Variants in APBB2 observed in about 807,000 individuals in gnomAD.
APBB2 encodes the protein amyloid beta precursor protein binding family B member 2.
In APBB2, 38 loss-of-function variants were observed where a neutral mutation model predicts 82.5. The observed-to-expected ratio is 0.46, with a 90% confidence interval of 0.36 to 0.60. APBB2 has a LOEUF of 0.60. APBB2 is among the 20% of genes least tolerant of loss of function. The probability of loss-of-function intolerance (pLI) is 0.00; values close to 1 mark genes in which losing one functional copy is unlikely to be tolerated. For synonymous variants in APBB2, 341 were observed against 368.2 expected (o/e 0.93, Z 0.85); for missense variants, 772 against 972.3 (o/e 0.79, Z 2.74).
chr4:41,065,733 GCTTT>G (rs75318230), intron 3 of APBB2, 60 bp from the exon 4 acceptor site: 2 of 62,754 alleles, frequency 3.2e-5, no homozygotes, highest in Admixed American at 1.6e-4. Flanking sequence ...GATAATGACA[GCTTT>G]TTTTTTTTTT....
intron 12 of APBB2, among the ~76,000 whole-genome samples, chr4:40,849,122 G>C (rs1427166364): frequency 6.6e-6 from 1 of 152,238 alleles, no homozygotes; most frequent in Non-Finnish European, 1.5e-5. Context: ...GCCACAAACA[G>C]TAGGGAGTTG....
At chr4:41,168,296 A>G (rs1430072837) in intron 1 of APBB2, among the ~76,000 whole-genome samples, 1 of 151,974 alleles carries the variant, frequency 6.6e-6, no homozygotes, top group Non-Finnish European at 1.5e-5. Context: ...AAAACAAAAA[A>G]AAAAAGAAAA....
intron 12 of APBB2, among the ~76,000 whole-genome samples, chr4:40,861,168 T>C (rs1166814059): frequency 6.6e-6 from 1 of 151,756 alleles, no homozygotes; most frequent in Non-Finnish European, 1.5e-5. Flanking sequence ...CTGGCAAACA[T>C]GGTGGAACCC....
chr4:41,175,061 G>C (rs942307922), intron 1 of APBB2, among the ~76,000 whole-genome samples: 2 of 152,114 alleles, frequency 1.3e-5, no homozygotes, highest in African/African-American at 2.4e-5. Context: ...AGGAAAACTA[G>C]AAATAGTTTG....
intron 10 of APBB2, among the ~76,000 whole-genome samples, chr4:40,916,468 A>AT (rs1560893523): frequency 6.6e-6 from 1 of 152,194 alleles, no homozygotes; most frequent in African/African-American, 2.4e-5. Flanking sequence ...GCACATGGAG[A>AT]TTGGCAACTG....
intron 12 of APBB2, among the ~76,000 whole-genome samples, chr4:40,876,183 A>C (rs75173034): frequency 0.036 from 5,517 of 152,306 alleles, 256 homozygotes; most frequent in African/African-American, 0.11. Flanking sequence ...GCATATTTTA[A>C]AACTTTTATT....
At chr4:41,192,174 T>C (rs1022527016) in intron 1 of APBB2, among the ~76,000 whole-genome samples, 1 of 152,156 alleles carries the variant, frequency 6.6e-6, no homozygotes, top group Non-Finnish European at 1.5e-5. Flanking sequence ...AAGGGAACGT[T>C]TGTACACTGT....
At chr4:41,055,177 A>G (rs546635039) in intron 4 of APBB2, among the ~76,000 whole-genome samples, 2 of 152,260 alleles carry the variant, frequency 1.3e-5, no homozygotes, top group African/African-American at 2.4e-5. Flanking sequence ...GGCTTTCCCC[A>G]TGCTTCAGAT....
chr4:40,861,305 A>G (rs1041086097), intron 12 of APBB2, among the ~76,000 whole-genome samples: 1 of 151,690 alleles, frequency 6.6e-6, no homozygotes, highest in African/African-American at 2.4e-5. Context: ...AGCTGAGATC[A>G]CACCGCTGCA....
intron 6 of APBB2, among the ~76,000 whole-genome samples, chr4:40,987,716 T>C (rs1379949413): frequency 1.3e-5 from 2 of 152,178 alleles, no homozygotes; most frequent in African/African-American, 2.4e-5. Context: ...TAAGTAGATA[T>C]GTACCATCAT....
intron 2 of APBB2, among the ~76,000 whole-genome samples, chr4:41,126,009 C>T (rs1343007253): frequency 6.6e-6 from 1 of 152,054 alleles, no homozygotes; most frequent in Non-Finnish European, 1.5e-5. Flanking sequence ...AGATAAGCAC[C>T]TCAGCTTCGT....
At chr4:41,206,798 G>A (rs1778044690) in intron 1 of APBB2, among the ~76,000 whole-genome samples, 1 of 152,166 alleles carries the variant, frequency 6.6e-6, no homozygotes, top group Admixed American at 6.5e-5. Context: ...ATACCACCTA[G>A]CAAATTGTGA....
chr4:40,930,702 C>T (rs1434021752), intron 10 of APBB2, among the ~76,000 whole-genome samples: 2 of 152,122 alleles, frequency 1.3e-5, no homozygotes, highest in African/African-American at 2.4e-5. Flanking sequence ...AATCATTCCT[C>T]ACAGACTATA....
At chr4:41,122,622 T>C (rs954735072) in intron 2 of APBB2, among the ~76,000 whole-genome samples, 1 of 152,208 alleles carries the variant, frequency 6.6e-6, no homozygotes, top group Non-Finnish European at 1.5e-5. Flanking sequence ...CCTACTTTTA[T>C]AACACTCTTA....
intron 1 of APBB2, among the ~76,000 whole-genome samples, chr4:41,156,501 G>T (rs929308143): frequency 2.0e-5 from 3 of 152,128 alleles, no homozygotes; most frequent in Admixed American, 2.0e-4. Flanking sequence ...TTCATTTCAG[G>T]AGAACATTTA....
At chr4:41,185,338 T>G (rs1266472592) in intron 1 of APBB2, among the ~76,000 whole-genome samples, 3 of 152,196 alleles carry the variant, frequency 2.0e-5, no homozygotes, top group Non-Finnish European at 4.4e-5. Flanking sequence ...GTACTAAGTT[T>G]TCCTAAGGTT....
At chr4:40,995,972 G>A (rs1348352786) in intron 6 of APBB2, among the ~76,000 whole-genome samples, 1 of 152,190 alleles carries the variant, frequency 6.6e-6, no homozygotes, top group African/African-American at 2.4e-5. Flanking sequence ...GCCCCGCCAT[G>A]GATCTGCTTT....
intron 10 of APBB2, among the ~76,000 whole-genome samples, chr4:40,898,510 C>G (rs1774336940): frequency 6.6e-6 from 1 of 152,098 alleles, no homozygotes; most frequent in African/African-American, 2.4e-5. Flanking sequence ...GGTGATCCAC[C>G]CACCTTGGCC....
intron 4 of APBB2, among the ~76,000 whole-genome samples, chr4:41,060,545 T>C (rs968837091): frequency 2.6e-5 from 4 of 152,096 alleles, no homozygotes; most frequent in Non-Finnish European, 5.9e-5. Context: ...GCAACTACCG[T>C]AGATATAATA....
Sources: gnomAD v4.1 joint callset for allele counts (sites outside exome capture counted in the v4.1 genomes callset) on GRCh38, gnomAD v4.1.1 for gene constraint, MANE v1.5 for transcripts, NCBI Gene and HGNC (gene_info 2026-07-23, HGNC 2026-07-21) for gene names.